SKI: variants seen among roughly 807,000 people sequenced by gnomAD.
SKI encodes SKI proto-oncogene.
In SKI, 23 loss-of-function variants were observed where a neutral mutation model predicts 59.3. That is an observed-to-expected ratio of 0.39 (90% CI 0.28 to 0.55). The LOEUF is 0.55. Ranked by LOEUF, SKI falls within the 20% of genes least tolerant of loss-of-function variation. The pLI is 0.67. For missense variants in SKI, 1,017 were observed against 1,038.9 expected (o/e 0.98, Z 0.29); for synonymous variants, 673 against 488.6 (o/e 1.38, Z -4.98).
intron 1 of SKI, among the ~76,000 whole-genome samples, chr1:2,254,106 C>T (rs1383902100): frequency 6.6e-6 from 1 of 152,202 alleles, no homozygotes; most frequent in Non-Finnish European, 1.5e-5. Context: ...CAGGTGGGCT[C>T]CAGTGACCAT....
At chr1:2,261,347 T>G (rs190818313) in intron 1 of SKI, among the ~76,000 whole-genome samples, 2 of 152,342 alleles carry the variant, frequency 1.3e-5, no homozygotes, top group East Asian at 3.9e-4. Flanking sequence ...TGGGATTGTA[T>G]TGAGTCCATA....
At chr1:2,277,347 A>G (rs1639764647) in intron 1 of SKI, among the ~76,000 whole-genome samples, 2 of 151,994 alleles carry the variant, frequency 1.3e-5, no homozygotes, top group South Asian at 2.1e-4. Flanking sequence ...AAGAATTTCC[A>G]TGTGTTGTGG....
chr1:2,273,953 G>A (rs766638317), intron 1 of SKI, among the ~76,000 whole-genome samples: 1 of 152,148 alleles, frequency 6.6e-6, no homozygotes, highest in South Asian at 2.1e-4. Context: ...TCCCTGACCG[G>A]CAGCGCCAGG....
At chr1:2,283,400 G>T (rs1213911446) in intron 1 of SKI, among the ~76,000 whole-genome samples, 2 of 152,234 alleles carry the variant, frequency 1.3e-5, no homozygotes, top group African/African-American at 2.4e-5. Context: ...GAAAATGGGG[G>T]TGAGGAGGTG....
intron 1 of SKI, among the ~76,000 whole-genome samples, chr1:2,266,885 C>T (rs1479609381): frequency 2.6e-5 from 4 of 152,118 alleles, no homozygotes; most frequent in East Asian, 1.9e-4. Context: ...ATAGAAAGAG[C>T]GAAAGTAACT....
In SKI at chr1:2,229,681, C is replaced by T. The variant is rs900879745; in HGVS notation, c.915C>T (p.Asp305=). The T allele has an allele frequency of 1.9e-6, 3 of 1,604,524 alleles. No homozygotes were observed. Among genetic ancestry groups the T allele is most frequent in the African/African-American group, 1.3e-5 (1 of 74,800 alleles). The part of the protein sequence containing the change: ...EEQARLGRCL[D]DVKEKFDYGN... The stretch of plus-strand genomic sequence containing the variant: ...AGGCGCGCCTCGGCCGCTGCCTGGA[C>T]GACGTGAAGGAGAAATTCGACTATG... Residue 305 remains aspartate, a synonymous_variant, in exon 1 of 7, where the codon GAC becomes GAT. Coordinates refer to ENST00000378536, the MANE Select transcript of SKI (RefSeq NM_003036.4). The surrounding 1 kb of genome is among the most constrained non-coding windows in gnomAD (Gnocchi z 6.3).
intron 1 of SKI, among the ~76,000 whole-genome samples, chr1:2,258,949 C>T (rs1353218041): frequency 6.6e-6 from 1 of 152,192 alleles, no homozygotes; most frequent in Non-Finnish European, 1.5e-5. Context: ...CCTTTTAAAT[C>T]AGATCAGCTC....
At chr1:2,280,031 C>T (rs781285840) in intron 1 of SKI, among the ~76,000 whole-genome samples, 9 of 152,130 alleles carry the variant, frequency 5.9e-5, no homozygotes, top group South Asian at 2.1e-4. Context: ...GGCATGGGTG[C>T]GCGAAAATTC....
intron 1 of SKI, among the ~76,000 whole-genome samples, chr1:2,290,623 T>C (rs553462534): frequency 6.6e-6 from 1 of 152,260 alleles, no homozygotes; most frequent in South Asian, 2.1e-4. Flanking sequence ...GGGCCAGCGC[T>C]GGGGGCAAGC....
chr1:2,272,663 A>AT (rs1639651380), intron 1 of SKI, among the ~76,000 whole-genome samples: 1 of 152,224 alleles, frequency 6.6e-6, no homozygotes, highest in South Asian at 2.1e-4. Flanking sequence ...ACAACCATGT[A>AT]TTTTAAATGG....
chr1:2,236,361 GTCCA>G, intron 1 of SKI, among the ~76,000 whole-genome samples: 1 of 152,192 alleles, frequency 6.6e-6, no homozygotes, highest in Non-Finnish European at 1.5e-5. Flanking sequence ...TTATTGGCAG[GTCCA>G]TTCTTTGGCT....
At chr1:2,249,868 A>T (rs1639086704) in intron 1 of SKI, among the ~76,000 whole-genome samples, 1 of 151,154 alleles carries the variant, frequency 6.6e-6, no homozygotes, top group South Asian at 2.1e-4. Flanking sequence ...GGGTTGTTGG[A>T]GTTCGGTGTC....
intron 1 of SKI, among the ~76,000 whole-genome samples, chr1:2,280,584 GCGGCGGCGA>G (rs1303048392): frequency 6.7e-6 from 1 of 148,780 alleles, no homozygotes; most frequent in Admixed American, 6.7e-5. Flanking sequence ...AAGACAGGCG[GCGGCGGCGA>G]TCTTCAGAGA....
At chr1:2,291,656 C>T (rs553325130) in intron 1 of SKI, among the ~76,000 whole-genome samples, 1 of 148,792 alleles carries the variant, frequency 6.7e-6, no homozygotes, top group Non-Finnish European at 1.5e-5. Context: ...CACCTTCCCC[C>T]CTGGATGGAT....
chr1:2,257,156 G>A (rs1427850693), intron 1 of SKI, among the ~76,000 whole-genome samples: 1 of 152,242 alleles, frequency 6.6e-6, no homozygotes, highest in Admixed American at 6.5e-5. Flanking sequence ...CACCTTTTGT[G>A]ACTTGTGGAT....
rs78964288 is a variant in SKI, at chr1:2,269,509, G to C, written c.970-33469G>C. On this transcript the variant is annotated intron_variant, in intron 1 of 6. Transcript: ENST00000378536. The surrounding 1 kb of genome is among the most constrained non-coding windows in gnomAD (Gnocchi z 4.7). ...TCTGTGAAGCAAAGCCGTTTTGCAG[G>C]CTGGGTTCATCCCCGTTCCAGGCCC... Among the ~76,000 whole-genome samples the C allele has an allele frequency of 2.8e-4, 43 of 152,398 alleles. No individual in the cohort carries two copies. The East Asian group carries it at 7.5e-3, about 27-fold the overall frequency.
intron 1 of SKI, among the ~76,000 whole-genome samples, chr1:2,271,592 C>G (rs1042985351): frequency 2.6e-5 from 4 of 152,166 alleles, no homozygotes; most frequent in Non-Finnish European, 4.4e-5. Context: ...CCCAGACGCT[C>G]GCCTTTTGTG....
Position 2,308,744 on chromosome 1 carries a change from C to T in SKI, c.*1979C>T, listed in dbSNP as rs1458171477. 1.3e-5 allele frequency: 2 copies of T among 152,232 alleles called. No homozygotes were observed. Among genetic ancestry groups the T allele is most frequent in the Non-Finnish European group, 2.9e-5 (2 of 68,062 alleles). The allele number at this position is 152,232 out of a possible 1,614,324, so 9.4% of individuals were successfully genotyped here. ...AGTGAGGTAGAGGCCCTGCCCCATC[C>T]CCAGGGCCGCCAGGCTTGCTCCGTT... On this transcript the variant is annotated 3_prime_UTR_variant, in exon 7 of 7. Coordinates refer to ENST00000378536, the MANE Select transcript of SKI (RefSeq NM_003036.4).
At chr1:2,242,761 C>A (rs148938271) in intron 1 of SKI, among the ~76,000 whole-genome samples, 169 of 152,244 alleles carry the variant, frequency 1.1e-3, no homozygotes, top group African/African-American at 3.9e-3. Flanking sequence ...CTCAAGTGAT[C>A]CTCCTGCCTC....
Sources: allele counts gnomAD v4.1 joint callset (sites outside exome capture counted in the v4.1 genomes callset), GRCh38; gene constraint gnomAD v4.1.1; non-coding constraint Gnocchi (gnomAD v3.1); transcripts MANE v1.5; gene names NCBI Gene and HGNC (gene_info 2026-07-23, HGNC 2026-07-21).